Variants in PCDHA10 observed in about 807,000 individuals in gnomAD.
The protein encoded by PCDHA10 is protocadherin alpha 10, also known as protocadherin alpha-10.
PCDHA10 carries 45 observed loss-of-function variants against 61.2 expected under a neutral mutation model. The observed-to-expected ratio is 0.74, with a 90% confidence interval of 0.58 to 0.94. The LOEUF (loss-of-function observed/expected upper bound fraction) is 0.94, where lower values mean the gene tolerates loss of function less well. Ranked by LOEUF, PCDHA10 falls within the 40% of genes least tolerant of loss-of-function variation. PCDHA10 has a pLI of 0.00. For synonymous variants in PCDHA10, 602 were observed against 548.8 expected (o/e 1.10, Z -1.35); for missense variants, 1,278 against 1,236.2 (o/e 1.03, Z -0.51).
intron 3 of PCDHA10, among the ~76,000 whole-genome samples, chr5:141,000,102 C>T (rs537991787): frequency 8.5e-5 from 13 of 152,172 alleles, no homozygotes; most frequent in East Asian, 5.8e-4. Context: ...AGCTCAACTC[C>T]GTCTCTTCCC....
chr5:140,897,726 A>T (rs149995278), intron 1 of PCDHA10, among the ~76,000 whole-genome samples: 22,632 of 152,088 alleles, frequency 0.15, 1,739 homozygotes, highest in Middle Eastern at 0.2. Flanking sequence ...GCTGGGTCAA[A>T]TAGTATTTCT....
At chr5:140,884,396 C>T (rs2060144550) in intron 1 of PCDHA10, 1 of 1,614,012 alleles carries the variant, frequency 6.2e-7, no homozygotes, top group Middle Eastern at 1.6e-4. Context: ...GGTGTCCAGC[C>T]TGTTGGTGCT....
intron 1 of PCDHA10, among the ~76,000 whole-genome samples, chr5:140,945,574 G>C (rs2153670366): frequency 6.6e-6 from 1 of 151,978 alleles, no homozygotes; most frequent in Middle Eastern, 3.4e-3. Context: ...ATACTACCTG[G>C]CTTCAAAATA....
At position 140,857,952 on chromosome 5, in the gene PCDHA10, C is replaced by G; in HGVS notation, c.1904C>G (p.Ala635Gly). 1 of 1,597,470 alleles carries G rather than the reference C, an allele frequency of 6.3e-7. No homozygotes were observed. Among genetic ancestry groups the G allele is most frequent in the South Asian group, 1.1e-5 (1 of 90,490 alleles). The stretch of plus-strand genomic sequence containing the variant: ...ACGGGCGAGATCAGTACGACGCGCG[C>G]TCTGGATGAGACTGACTCGCCACGC... Reference protein sequence around the residue: ...LYTGEISTTRALDETDSPRQR... With the variant: ...LYTGEISTTRGLDETDSPRQR... Residue 635 changes from alanine to glycine, a missense_variant, in exon 1 of 4, where the codon GCT becomes GGT. Ala to Gly is a moderately conservative substitution (Grantham distance 60). Transcript: ENST00000307360.
At chr5:140,948,764 G>T (rs962710607) in intron 1 of PCDHA10, among the ~76,000 whole-genome samples, 1 of 150,728 alleles carries the variant, frequency 6.6e-6, no homozygotes, top group African/African-American at 2.4e-5. Flanking sequence ...GATTTTTTTC[G>T]AATAGCCAGC....
chr5:140,872,160 C>A (rs782612001), intron 1 of PCDHA10, among the ~76,000 whole-genome samples: 10 of 151,070 alleles, frequency 6.6e-5, no homozygotes, highest in African/African-American at 9.8e-5. Context: ...ACATGATTTA[C>A]TTTTCTTTTT....
intron 1 of PCDHA10, among the ~76,000 whole-genome samples, chr5:140,941,202 C>CCTTTCTTCCTTTCTTTTTCTTT (rs1394736170): frequency 8.1e-6 from 1 of 122,742 alleles, no homozygotes; most frequent in African/African-American, 3.0e-5. Flanking sequence ...TTTCTTTCTT[C>CCTTTCTTCCTTTCTTTTTCTTT]CTTTCTTTCT....
At chr5:140,914,695 A>T (rs970720014) in intron 1 of PCDHA10, among the ~76,000 whole-genome samples, 1 of 151,978 alleles carries the variant, frequency 6.6e-6, no homozygotes, top group African/African-American at 2.4e-5. Context: ...CTCTGGTGGT[A>T]TGATTTAATT....
intron 1 of PCDHA10, chr5:140,968,800 A>G: frequency 6.2e-7 from 1 of 1,614,238 alleles, no homozygotes; most frequent in Non-Finnish European, 8.5e-7. Context: ...CCATTACAGT[A>G]GCTGTGGTGG....
intron 1 of PCDHA10, among the ~76,000 whole-genome samples, chr5:140,954,350 GA>G (rs1255818394): frequency 6.6e-6 from 1 of 152,156 alleles, no homozygotes; most frequent in Non-Finnish European, 1.5e-5. Context: ...GATCTTTGAG[GA>G]ATCGCCACAC....
In PCDHA10 at chr5:140,875,591, A is replaced by G. The variant is rs1438500941; in HGVS notation, c.2388+17155A>G. ...CACTACTCCGTCTACGAGGAGGCCAAACACGGCACCTTCGTGGGCCGCATC... is the reference window on the plus strand; with the variant it reads ...CACTACTCCGTCTACGAGGAGGCCAGACACGGCACCTTCGTGGGCCGCATC... On this transcript the variant is annotated intron_variant, in intron 1 of 3. Coordinates refer to ENST00000307360, the MANE Select transcript of PCDHA10 (RefSeq NM_018901.4). The G allele has an allele frequency of 9.3e-6, 15 of 1,613,878 alleles. No homozygotes were observed. The highest frequency in any genetic ancestry group is 1.7e-5 in the Admixed American group (1 of 60,004).
intron 1 of PCDHA10, chr5:140,968,901 T>A (rs1321022294): frequency 6.2e-7 from 1 of 1,614,106 alleles, no homozygotes; most frequent in Non-Finnish European, 8.5e-7. Flanking sequence ...ATAATAGCAT[T>A]AAGCACAGTG....
At position 140,857,632 on chromosome 5, in the gene PCDHA10, G is replaced by C; in HGVS notation, c.1584G>C (p.Glu528Asp). Residue 528 changes from glutamate to aspartate, a missense_variant, in exon 1 of 4, where the codon GAG (glutamate) becomes GAC (aspartate). Glu to Asp is a conservative substitution (Grantham distance 45, BLOSUM62 2). Transcript: ENST00000307360. ...AGCCGCTGGACCACGAGGAGCTGGA[G>C]CTGCTACAGTTCCAGGTGAGCGCGC... Reference protein sequence around the residue: ...ALQPLDHEELELLQFQVSARD... With the variant: ...ALQPLDHEELDLLQFQVSARD... 1.9e-6 allele frequency: 3 copies of C among 1,596,770 alleles called. 1 individual carries two copies. Among genetic ancestry groups the C allele is most frequent in the Non-Finnish European group, 2.6e-6 (3 of 1,167,764 alleles).
At chr5:140,875,465 T>C (rs1466604223) in intron 1 of PCDHA10, 9 of 1,599,572 alleles carry the variant, frequency 5.6e-6, no homozygotes, top group African/African-American at 1.3e-5. Context: ...AGGCCCTCAT[T>C]TTCTGCAATG....
chr5:140,902,171 A>T, intron 1 of PCDHA10, among the ~76,000 whole-genome samples: 1 of 144,502 alleles, frequency 6.9e-6, no homozygotes, highest in Non-Finnish European at 1.5e-5. Flanking sequence ...TCTAATTTGG[A>T]TGTCCTTTAT....
chr5:140,969,068 A>C (rs2096293164), intron 1 of PCDHA10: 2 of 1,614,046 alleles, frequency 1.2e-6, no homozygotes, highest in South Asian at 2.2e-5. Flanking sequence ...TGATGCCAGG[A>C]TACCGCATGG....
At chr5:140,928,630 G>A in intron 1 of PCDHA10, 1 of 1,614,210 alleles carries the variant, frequency 6.2e-7, no homozygotes, top group East Asian at 2.2e-5. Context: ...TGGACACTTG[G>A]TCACAAAAGT....
At chr5:140,955,233 T>A (rs1554221819) in intron 1 of PCDHA10, among the ~76,000 whole-genome samples, 1 of 152,198 alleles carries the variant, frequency 6.6e-6, no homozygotes, top group African/African-American at 2.4e-5. Flanking sequence ...TTTGTTCTTT[T>A]GCTTAGGATC....
intron 1 of PCDHA10, chr5:140,877,134 C>G (rs1339173132): frequency 3.1e-6 from 5 of 1,613,594 alleles, no homozygotes; most frequent in African/African-American, 2.7e-5. Flanking sequence ...TGCAGGTGTT[C>G]GTGCTGGACG....
Sources: gnomAD v4.1 joint callset for allele counts (sites outside exome capture counted in the v4.1 genomes callset) on GRCh38, gnomAD v4.1.1 for gene constraint, MANE v1.5 for transcripts, NCBI Gene and HGNC (gene_info 2026-07-23, HGNC 2026-07-21) for gene names.